Variants in ZNF728 observed in about 807,000 individuals in gnomAD.
ZNF728 encodes the protein zinc finger protein 728.
Under a neutral mutation model 12.5 loss-of-function variants are expected in ZNF728, and 12 were observed. The observed-to-expected ratio is 0.96, with a 90% CI of 0.61 to 1.55. ZNF728 has a LOEUF of 1.55. Ranked by LOEUF, ZNF728 falls within the 40% of genes most tolerant of loss-of-function variation. The pLI is 0.00. For missense variants in ZNF728, 692 were observed against 719.2 expected (o/e 0.96, Z 0.43); for synonymous variants, 205 against 240.7 (o/e 0.85, Z 1.37).
rs186716544 is a variant in ZNF728, at chr19:22,997,309, C to T, written c.3+5719G>A. Reference sequence around the variant, plus strand: ...CCCAAAATGACACAAACCACACACACGGGCTACAGCTTAAGAAAAATATAA... The same window carrying T: ...CCCAAAATGACACAAACCACACACATGGGCTACAGCTTAAGAAAAATATAA... On this transcript the variant is annotated intron_variant, in intron 1 of 3. Coordinates refer to ENST00000594710, the MANE Select transcript of ZNF728 (RefSeq NM_001267716.2). Among the ~76,000 whole-genome samples, 185 of 152,166 alleles carry T rather than the reference C, an allele frequency of 1.2e-3. 2 individuals are homozygous for T. The highest frequency in any genetic ancestry group is 3.9e-4 in the East Asian group (2 of 5,180).
intron 1 of ZNF728, among the ~76,000 whole-genome samples, chr19:23,002,292 G>A (rs961249490): frequency 1.3e-5 from 2 of 152,204 alleles, no homozygotes; most frequent in African/African-American, 4.8e-5. Flanking sequence ...TCCAGCCAGG[G>A]CGACAGAGTG....
intron 3 of ZNF728, chr19:22,985,657 T>A (rs1968908714): frequency 6.6e-6 from 1 of 152,288 alleles, no homozygotes; most frequent in African/African-American, 2.4e-5. Flanking sequence ...GAACTTACTC[T>A]GTAATCATCC....
Position 22,999,434 on chromosome 19 carries a change from T to C in ZNF728, c.3+3594A>G, listed in dbSNP as rs567609355. 8.7e-4 allele frequency among the ~76,000 whole-genome samples: 132 copies of C among 152,292 alleles called. 1 individual carries two copies. The highest frequency in any genetic ancestry group is 2.6e-3 in the Admixed American group (40 of 15,290). ...CAAGGCTCTGTAGCTTCTCTCACTA[T>C]AGAGGCTTCTTCCATGGCTGGGGTA... On this transcript the variant is annotated intron_variant, in intron 1 of 3. Transcript: ENST00000594710.
intron 1 of ZNF728, among the ~76,000 whole-genome samples, chr19:23,000,351 CT>C (rs1969094952): frequency 6.6e-6 from 1 of 151,082 alleles, no homozygotes; most frequent in Admixed American, 6.6e-5. Flanking sequence ...GCACTCCAGC[CT>C]GGGTGACAGA....
At chr19:22,997,263 A>G (rs1475664983) in intron 1 of ZNF728, among the ~76,000 whole-genome samples, 4 of 152,180 alleles carry the variant, frequency 2.6e-5, no homozygotes, top group Admixed American at 6.5e-5. Context: ...AAATAAAACA[A>G]TTCTCAGCAA....
At chr19:22,981,400 TA>T (rs1350285287) in intron 3 of ZNF728, among the ~76,000 whole-genome samples, 2 of 151,924 alleles carry the variant, frequency 1.3e-5, no homozygotes, top group East Asian at 3.9e-4. Flanking sequence ...AGCCCATCAA[TA>T]AAAAATGTCC....
At chr19:23,000,260 C>A (rs1832380931) in intron 1 of ZNF728, among the ~76,000 whole-genome samples, 1 of 151,874 alleles carries the variant, frequency 6.6e-6, no homozygotes, top group African/African-American at 2.4e-5. Context: ...CGCCTGTAGT[C>A]CCAGCTACTC....
Position 22,976,929 on chromosome 19 carries a change from A to T in ZNF728, c.408T>A (p.Ser136Arg). Reference protein sequence around the residue: ...HKKGYNKLNQSLTTTQSKVFQ... With the variant: ...HKKGYNKLNQRLTTTQSKVFQ... Reference sequence around the variant, plus strand: ...ATACTTTGCTTTGTGTAGTTGTCAAACTCTGGTTAAGCTTATTATAACCTT... The same window carrying T: ...ATACTTTGCTTTGTGTAGTTGTCAATCTCTGGTTAAGCTTATTATAACCTT... Residue 136 changes from serine to arginine, a missense_variant, in exon 4 of 4, where the codon AGT becomes AGA. Around this residue, in one of 3 missense-constraint regions of ZNF728, gnomAD observed 440 missense variants for 459.6 expected, o/e 0.96. Transcript: ENST00000594710. The T allele has an allele frequency of 6.2e-7, 1 of 1,613,338 alleles. No individual in the cohort carries two copies. Among genetic ancestry groups the T allele is most frequent in the Non-Finnish European group, 8.5e-7 (1 of 1,179,702 alleles).
At chr19:22,977,422 CA>C (rs1968818760) in intron 3 of ZNF728, among the ~76,000 whole-genome samples, 1 of 152,104 alleles carries the variant, frequency 6.6e-6, no homozygotes, top group African/African-American at 2.4e-5. Context: ...CTAGTCCCTT[CA>C]GAAGTAAATT....
Position 22,975,767 on chromosome 19 carries a change from T to C in ZNF728, c.1570A>G (p.Thr524Ala), listed in dbSNP as rs1232269264. 6.2e-7 allele frequency: 1 copy of C among 1,612,128 alleles called. No homozygotes were observed. The highest frequency in any genetic ancestry group is 8.5e-7 in the Non-Finnish European group (1 of 1,179,918). Residue 524 changes from threonine to alanine, a missense_variant, in exon 4 of 4, where the codon ACT (threonine) becomes GCT (alanine). Coordinates refer to ENST00000594710, the MANE Select transcript of ZNF728 (RefSeq NM_001267716.2). ...GKAFSKVANL[T>A]KHKVIHTGEK... is the part of the protein sequence containing the mutation. ...CCAGTATGAATTACCTTATGTTTAG[T>C]AAGGTTTGCAACCTTACTGAAGGCT...
At chr19:22,992,776 CTCTTA>C (rs1236243481) in intron 1 of ZNF728, among the ~76,000 whole-genome samples, 2 of 152,190 alleles carry the variant, frequency 1.3e-5, no homozygotes, top group African/African-American at 4.8e-5. Context: ...GAATTTGTCA[CTCTTA>C]TCAGCCTGAC....
chr19:22,981,245 T>G (rs1968858895), intron 3 of ZNF728, among the ~76,000 whole-genome samples: 1 of 152,114 alleles, frequency 6.6e-6, no homozygotes, highest in African/African-American at 2.4e-5. Flanking sequence ...GAGAATACTA[T>G]AAACATCTCT....
In ZNF728 at chr19:22,980,202, C is replaced by CA. The variant is rs59991122; in HGVS notation, c.227-3093dup. Among the ~76,000 whole-genome samples the CA allele has an allele frequency of 4.9e-3, 555 of 114,424 alleles. 5 individuals are homozygous for CA. The highest frequency in any genetic ancestry group is 5.6e-3 in the Non-Finnish European group (298 of 52,816). The allele number at this position is 114,424 out of a possible 152,430, so 75.1% of individuals were successfully genotyped here. A position where few individuals can be genotyped will look rare whatever the true frequency, so the allele number is the denominator to read the frequency against. On this transcript the variant is annotated intron_variant, in intron 3 of 3. Transcript: ENST00000594710. ...ATGGAAAGCAAAAAAAAAAAAGAAACAAAAAAAAAAAAAACAGGGGTTGCA... is the reference window on the plus strand; with the variant it reads ...ATGGAAAGCAAAAAAAAAAAAGAAACAAAAAAAAAAAAAAACAGGGGTTGCA...
intron 3 of ZNF728, among the ~76,000 whole-genome samples, chr19:22,986,386 A>C (rs1463139178): frequency 2.0e-5 from 3 of 151,732 alleles, no homozygotes; most frequent in Non-Finnish European, 4.4e-5. Context: ...TAAACAGTAC[A>C]TTAAAACCTT....
chr19:22,981,911 A>G (rs1968864860), intron 3 of ZNF728, among the ~76,000 whole-genome samples: 1 of 152,272 alleles, frequency 6.6e-6, no homozygotes, highest in East Asian at 1.9e-4. Flanking sequence ...TGACAAACCC[A>G]CAGACAATGT....
chr19:22,991,485 TTG>T (rs1568277269), intron 1 of ZNF728, among the ~76,000 whole-genome samples: 1 of 152,238 alleles, frequency 6.6e-6, no homozygotes, highest in East Asian at 1.9e-4. Flanking sequence ...TAAATTTTTA[TTG>T]TGTTTATATT....
In ZNF728 at chr19:23,003,034, T is replaced by C. The variant is rs1264024079; in HGVS notation, c.-4A>G. ...TCGGACCCGGCTGACTCACCATTTCTAGGCTTCCGGGGGTCCTGGCGACTT... is the reference window on the plus strand; with the variant it reads ...TCGGACCCGGCTGACTCACCATTTCCAGGCTTCCGGGGGTCCTGGCGACTT... On this transcript the variant is annotated 5_prime_UTR_variant, in exon 1 of 4. Coordinates refer to ENST00000594710, the MANE Select transcript of ZNF728 (RefSeq NM_001267716.2). 10 of 1,583,562 alleles carry C rather than the reference T, an allele frequency of 6.3e-6. No homozygotes were observed. Among genetic ancestry groups the C allele is most frequent in the Non-Finnish European group, 7.7e-6 (9 of 1,165,038 alleles).
Position 22,976,358 on chromosome 19 carries a change from G to C in ZNF728, c.979C>G (p.Leu327Val). 6.2e-7 allele frequency: 1 copy of C among 1,612,966 alleles called. No individual in the cohort carries two copies. ...CGKAFNRSSN[L>V]MEHKRIHTGE... ...GTATGAATTCTCTTATGTTCCATAA[G>C]GTTTGAGGACCGGTTGAAAGCTTTG... Residue 327 changes from leucine to valine, a missense_variant, in exon 4 of 4, where the codon CTT (leucine) becomes GTT (valine). This residue lies in a region of ZNF728 where 440 missense variants were observed against 459.6 expected (regional missense o/e 0.96). Coordinates refer to ENST00000594710, the MANE Select transcript of ZNF728 (RefSeq NM_001267716.2).
intron 1 of ZNF728, among the ~76,000 whole-genome samples, chr19:22,989,611 G>A (rs1312239278): frequency 6.6e-6 from 1 of 151,574 alleles, no homozygotes; most frequent in Non-Finnish European, 1.5e-5. Context: ...GCACCCAGAA[G>A]GATACAGCAT....
Sources: gnomAD v4.1 joint callset for allele counts (sites outside exome capture counted in the v4.1 genomes callset) on GRCh38, gnomAD v4.1.1 for gene constraint, gnomAD v4.1.1 regional missense constraint, MANE v1.5 for transcripts, NCBI Gene and HGNC (gene_info 2026-07-23, HGNC 2026-07-21) for gene names.